ASIC2: variants seen among roughly 807,000 people sequenced by gnomAD.
ASIC2 encodes the protein acid-sensing ion channel 2.
ASIC2 carries 25 observed loss-of-function variants against 57.3 expected under a neutral mutation model. That is an observed-to-expected ratio of 0.44 (90% CI 0.32 to 0.61). The LOEUF (loss-of-function observed/expected upper bound fraction) is 0.61. Ranked by LOEUF, ASIC2 falls within the 20% of genes least tolerant of loss-of-function variation. The probability of loss-of-function intolerance (pLI) is 0.06; values close to 1 mark genes in which losing one functional copy is unlikely to be tolerated. For missense variants in ASIC2, 641 were observed against 738.1 expected (o/e 0.87, Z 1.52); for synonymous variants, 319 against 307.5 (o/e 1.04, Z -0.39).
At chr17:33,028,838 A>G (rs866572859) in intron 3 of ASIC2, among the ~76,000 whole-genome samples, 33 of 152,248 alleles carry the variant, frequency 2.2e-4, no homozygotes, top group African/African-American at 8.0e-4. Flanking sequence ...TTGGAATCCC[A>G]GACCTAGACC....
chr17:33,634,287 C>T (rs114665817), intron 1 of ASIC2, among the ~76,000 whole-genome samples: 3,785 of 152,256 alleles, frequency 0.025, 98 homozygotes, highest in African/African-American at 0.069. Context: ...AACCTCCCCC[C>T]TTCAGGTCTA....
chr17:33,633,614 A>G (rs1375045285), intron 1 of ASIC2, among the ~76,000 whole-genome samples: 2 of 152,170 alleles, frequency 1.3e-5, no homozygotes, highest in Non-Finnish European at 2.9e-5. Context: ...ATAAGGCAGT[A>G]TGTCCGGCAA....
At chr17:33,312,051 G>T (rs948100563) in intron 1 of ASIC2, among the ~76,000 whole-genome samples, 1 of 152,292 alleles carries the variant, frequency 6.6e-6, no homozygotes, top group Admixed American at 6.5e-5. Context: ...AAAGACCTAG[G>T]TTTGAATATC....
chr17:33,880,533 T>C (rs1230014216), intron 1 of ASIC2, among the ~76,000 whole-genome samples: 1 of 152,108 alleles, frequency 6.6e-6, no homozygotes, highest in Non-Finnish European at 1.5e-5. Context: ...CCTCAACACA[T>C]ACACCCTCCC....
At chr17:34,008,355 C>T (rs1190488956) in intron 1 of ASIC2, among the ~76,000 whole-genome samples, 1 of 152,156 alleles carries the variant, frequency 6.6e-6, no homozygotes, top group Non-Finnish European at 1.5e-5. Flanking sequence ...ATGCTTGGCA[C>T]TGAGTTACAG....
intron 1 of ASIC2, among the ~76,000 whole-genome samples, chr17:34,084,700 T>G (rs1313448357): frequency 1.3e-5 from 2 of 152,240 alleles, no homozygotes; most frequent in Non-Finnish European, 2.9e-5. Context: ...CATTTGTTTG[T>G]ATCCTCTTTT....
intron 1 of ASIC2, among the ~76,000 whole-genome samples, chr17:33,356,696 C>T (rs1003480315): frequency 1.3e-5 from 2 of 152,158 alleles, no homozygotes; most frequent in Non-Finnish European, 2.9e-5. Flanking sequence ...AGGGCCAACA[C>T]CTGGCTGCAC....
At chr17:33,124,310 C>A (rs1402082614) in intron 1 of ASIC2, among the ~76,000 whole-genome samples, 1 of 152,168 alleles carries the variant, frequency 6.6e-6, no homozygotes, top group Non-Finnish European at 1.5e-5. Context: ...AGAGAGTTTT[C>A]TATAGTTTAA....
chr17:33,997,326 T>C (rs1327759622), intron 1 of ASIC2, among the ~76,000 whole-genome samples: 6 of 143,612 alleles, frequency 4.2e-5, no homozygotes, highest in African/African-American at 1.6e-4. Context: ...TTTTTTTTTT[T>C]TTTTTTTTGT....
chr17:33,177,976 T>C (rs1270484340), intron 1 of ASIC2, among the ~76,000 whole-genome samples: 11 of 152,206 alleles, frequency 7.2e-5, no homozygotes, highest in Middle Eastern at 3.4e-3. Flanking sequence ...AAAAATAACC[T>C]AGTGTGCGTG....
intron 1 of ASIC2, among the ~76,000 whole-genome samples, chr17:33,554,224 T>C (rs1915837342): frequency 1.3e-5 from 2 of 152,212 alleles, no homozygotes; most frequent in African/African-American, 4.8e-5. Context: ...GACAGTGTTA[T>C]TTGATTGTGT....
chr17:34,130,170 G>T (rs900310431), intron 1 of ASIC2, among the ~76,000 whole-genome samples: 1 of 152,186 alleles, frequency 6.6e-6, no homozygotes, highest in Non-Finnish European at 1.5e-5. Context: ...AGAATGCTCT[G>T]ACTGAGCCTG....
intron 1 of ASIC2, among the ~76,000 whole-genome samples, chr17:33,874,230 C>T (rs950597401): frequency 6.6e-6 from 1 of 152,154 alleles, no homozygotes; most frequent in South Asian, 2.1e-4. Context: ...CTTAGAATGT[C>T]TATTTTACCC....
chr17:33,496,017 G>A (rs771481522), intron 1 of ASIC2, among the ~76,000 whole-genome samples: 4 of 151,920 alleles, frequency 2.6e-5, no homozygotes, highest in Non-Finnish European at 5.9e-5. Context: ...AACCCAGACT[G>A]CATGAACACC....
intron 1 of ASIC2, among the ~76,000 whole-genome samples, chr17:33,258,658 T>G (rs1266812286): frequency 6.6e-6 from 1 of 152,124 alleles, no homozygotes; most frequent in African/African-American, 2.4e-5. Flanking sequence ...GCTGCAACCA[T>G]GAGCAAGAGG....
At chr17:33,850,686 G>A (rs548989421) in intron 1 of ASIC2, among the ~76,000 whole-genome samples, 24 of 152,250 alleles carry the variant, frequency 1.6e-4, no homozygotes, top group African/African-American at 2.9e-4. Context: ...AGGTAAAATC[G>A]TTGCTTGCTA....
intron 1 of ASIC2, among the ~76,000 whole-genome samples, chr17:33,284,692 C>T (rs1040636928): frequency 3.9e-5 from 6 of 152,122 alleles, no homozygotes; most frequent in South Asian, 4.1e-4. Flanking sequence ...ACTGATCTTT[C>T]GTTGAATCGT....
chr17:34,107,369 G>C (rs892667136), intron 1 of ASIC2, among the ~76,000 whole-genome samples: 1 of 152,012 alleles, frequency 6.6e-6, no homozygotes, highest in Non-Finnish European at 1.5e-5. Context: ...ATTAGCTAGG[G>C]GTGGTGGTGA....
intron 1 of ASIC2, among the ~76,000 whole-genome samples, chr17:33,157,564 C>T (rs752912292): frequency 2.9e-4 from 44 of 152,170 alleles, no homozygotes; most frequent in Non-Finnish European, 5.3e-4. Flanking sequence ...ATCCTGGAGT[C>T]ACCTTTGACT....
Sources: gnomAD v4.1 joint callset for allele counts (sites outside exome capture counted in the v4.1 genomes callset) on GRCh38, gnomAD v4.1.1 for gene constraint, MANE v1.5 for transcripts, NCBI Gene and HGNC (gene_info 2026-07-23, HGNC 2026-07-21) for gene names.